METTL14: variants seen among roughly 807,000 people sequenced by gnomAD.
METTL14 encodes methyltransferase 14, N6-adenosine-methyltransferase non-catalytic subunit.
METTL14 carries 32 observed loss-of-function variants against 62.4 expected under a neutral mutation model. The ratio of observed to expected loss-of-function variants is 0.51; its 90% CI spans 0.39 to 0.69. The LOEUF (loss-of-function observed/expected upper bound fraction) is 0.69, where lower values mean the gene tolerates loss of function less well. Ranked by LOEUF, METTL14 falls within the 30% of genes least tolerant of loss-of-function variation. METTL14 has a pLI of 0.00. For synonymous variants in METTL14, 150 were observed against 180.0 expected, an observed-to-expected ratio of 0.83 and a Z score of 1.34; for missense variants, 340 against 551.9, an observed-to-expected ratio of 0.62 and a Z score of 3.85.
chr4:118,708,445 T>C (rs1207619852), intron 10 of METTL14, among the ~76,000 whole-genome samples: 1 of 152,216 alleles, frequency 6.6e-6, no homozygotes, highest in Non-Finnish European at 1.5e-5. Flanking sequence ...AAAAATCTCA[T>C]AGGTTTAATA....
At chr4:118,696,572 CCATTTA>C (rs1724420600) in intron 6 of METTL14, among the ~76,000 whole-genome samples, 1 of 152,024 alleles carries the variant, frequency 6.6e-6, no homozygotes, top group Admixed American at 6.6e-5. Flanking sequence ...AAACGAAAAC[CCATTTA>C]CATTTAAAGT....
chr4:118,686,595 G>T (rs991509577), intron 1 of METTL14: 17 of 456,072 alleles, frequency 3.7e-5, no homozygotes, highest in Non-Finnish European at 7.1e-5. Flanking sequence ...AGTCAGATTT[G>T]TTCCTTTGTT....
chr4:118,694,958 T>TGG (rs1724364571), intron 6 of METTL14, among the ~76,000 whole-genome samples: 1 of 151,954 alleles, frequency 6.6e-6, no homozygotes, highest in African/African-American at 2.4e-5. Flanking sequence ...CGCACCACCA[T>TGG]GCCTGGCTAA....
At chr4:118,704,680 T>TCCATGCC (rs1220043040) in intron 9 of METTL14, among the ~76,000 whole-genome samples, 1 of 152,102 alleles carries the variant, frequency 6.6e-6, no homozygotes, top group Non-Finnish European at 1.5e-5. Context: ...GCACAGCAGC[T>TCCATGCC]CCATGCCCCA....
chr4:118,700,506 G>A lies in METTL14; in HGVS notation c.646-44G>A, dbSNP rs1156758641. The A allele has an allele frequency of 8.8e-6, 13 of 1,476,800 alleles. No homozygotes were observed. In the South Asian group the frequency reaches 1.5e-4, roughly 17 times the overall value. 91.5% of individuals were successfully genotyped at this position (1,476,800 alleles called of 1,614,324 possible). A position where few individuals can be genotyped will look rare whatever the true frequency, so the allele number is the denominator to read the frequency against. On this transcript the variant is annotated intron_variant, in intron 7 of 10. Coordinates refer to ENST00000388822, the MANE Select transcript of METTL14 (RefSeq NM_020961.4). ...TGTTCTTTTGGATTTAGGATGAATG[G>A]GAAACAAAATACTTTTATGCAATAT...
chr4:118,692,759 A>G (rs772144469), intron 5 of METTL14, among the ~76,000 whole-genome samples: 5 of 152,104 alleles, frequency 3.3e-5, no homozygotes, highest in Non-Finnish European at 5.9e-5. Context: ...TTCACAATCT[A>G]TACTAGAACA....
rs1724350227 is a variant in METTL14 at position 118,694,584 on chromosome 4, G to T, written c.503+58G>T. The T allele has an allele frequency of 2.4e-5, 30 of 1,270,030 alleles. 1 individual carries two copies. The South Asian group carries it at 3.7e-4, about 16-fold the overall frequency. The allele number at this position is 1,270,030 out of a possible 1,614,324, so 78.7% of individuals were successfully genotyped here. A position where few individuals can be genotyped will look rare whatever the true frequency, so the allele number is the denominator to read the frequency against. On this transcript the variant is annotated intron_variant, in intron 6 of 10. Transcript: ENST00000388822. ...CAACTCAGGCTTAAAGTATCAGTTT[G>T]TTTATCCTATAACCTTTTTTCTTCT...
intron 1 of METTL14, chr4:118,686,610 A>T (rs1344371043): frequency 2.2e-6 from 1 of 456,114 alleles, no homozygotes; most frequent in African/African-American, 2.0e-5. Context: ...TTTGTTCCTT[A>T]TCCCGCTGGC....
At chr4:118,700,433 A>T (rs1724554695) in intron 7 of METTL14, 117 bp from the exon 8 acceptor site, 8 of 723,628 alleles carry the variant, frequency 1.1e-5, no homozygotes, top group Non-Finnish European at 1.8e-5. Flanking sequence ...TTCCTAATGG[A>T]AACTAATACA....
At position 118,712,278 on chromosome 4, in the gene METTL14, T is replaced by C. The variant is rs1160147891; in HGVS notation, c.*1976T>C. The C allele has an allele frequency of 6.6e-6, 1 of 152,230 alleles. No individual in the cohort carries two copies. Among genetic ancestry groups the C allele is most frequent in the African/African-American group, 2.4e-5 (1 of 41,466 alleles). The allele number at this position is 152,230 out of a possible 1,614,324, so 9.4% of individuals were successfully genotyped here. A position where few individuals can be genotyped will look rare whatever the true frequency, so the allele number is the denominator to read the frequency against. On this transcript the variant is annotated 3_prime_UTR_variant, in exon 11 of 11. Coordinates refer to ENST00000388822, the MANE Select transcript of METTL14 (RefSeq NM_020961.4). ...GAAATTTCATTACTCTGACCTCTTC[T>C]AATTTTTGGTCTTCTTTATATTTAC... is the stretch of plus-strand genomic sequence containing the variant.
chr4:118,704,849 C>T (rs1382093383), intron 9 of METTL14, among the ~76,000 whole-genome samples: 1 of 152,174 alleles, frequency 6.6e-6, no homozygotes, highest in Non-Finnish European at 1.5e-5. Flanking sequence ...GTCATGGGAA[C>T]CTCTGATTTA....
intron 1 of METTL14, chr4:118,686,493 A>G (rs1161641986): frequency 4.7e-6 from 2 of 421,596 alleles, no homozygotes; most frequent in African/African-American, 4.1e-5. Flanking sequence ...CAGTAATGAA[A>G]CTTGGTTTTA....
chr4:118,691,830 T>G (rs1161738542), intron 4 of METTL14, 151 bp from the exon 5 acceptor site: 1 of 617,916 alleles, frequency 1.6e-6, no homozygotes, highest in African/African-American at 1.9e-5. Context: ...TACTGAAAAG[T>G]AATAATTTTA....
At chr4:118,699,822 C>G (rs886780885) in intron 7 of METTL14, among the ~76,000 whole-genome samples, 1 of 152,096 alleles carries the variant, frequency 6.6e-6, no homozygotes, top group Non-Finnish European at 1.5e-5. Context: ...GGCCCCAGAG[C>G]CCTAAGTTCT....
chr4:118,694,578 C>A, intron 6 of METTL14, 52 bp downstream of exon 6: 1 of 1,345,264 alleles, frequency 7.4e-7, no homozygotes, highest in South Asian at 1.2e-5. Context: ...CTTAAAGTAT[C>A]AGTTTGTTTA....
chr4:118,698,711 T>G (rs1724499427), intron 7 of METTL14, among the ~76,000 whole-genome samples: 1 of 152,068 alleles, frequency 6.6e-6, no homozygotes, highest in Non-Finnish European at 1.5e-5. Flanking sequence ...GAGAGTGAGT[T>G]TCAGAAGATG....
At chr4:118,687,236 C>T (rs763524121) in intron 1 of METTL14, among the ~76,000 whole-genome samples, 45 of 152,088 alleles carry the variant, frequency 3.0e-4, no homozygotes, top group Admixed American at 5.9e-4. Flanking sequence ...TTGCATATTA[C>T]TTACTGGTTG....
At chr4:118,702,037 CTTTGT>C (rs1457645261) in intron 8 of METTL14, among the ~76,000 whole-genome samples, 1 of 151,182 alleles carries the variant, frequency 6.6e-6, no homozygotes, top group Non-Finnish European at 1.5e-5. Context: ...TTGGTGTTTA[CTTTGT>C]TTTAACTTTA....
At chr4:118,705,576 G>C in intron 9 of METTL14, 35 bp from the exon 10 acceptor site, 1 of 1,544,280 alleles carries the variant, frequency 6.5e-7, no homozygotes, top group Non-Finnish European at 8.9e-7. Context: ...GACTGTTGAT[G>C]AAAACAGATT....
Sources: gnomAD v4.1 joint callset for allele counts (sites outside exome capture counted in the v4.1 genomes callset) on GRCh38, gnomAD v4.1.1 for gene constraint, MANE v1.5 for transcripts, NCBI Gene and HGNC (gene_info 2026-07-23, HGNC 2026-07-21) for gene names.